COL5A2: variants seen among roughly 807,000 people sequenced by gnomAD.
COL5A2 encodes the protein collagen alpha-2(V) chain.
COL5A2 carries 23 observed loss-of-function variants against 208.2 expected under a neutral mutation model. That is an observed-to-expected ratio of 0.11 (90% CI 0.08 to 0.16). COL5A2 has a LOEUF of 0.16. Among genes scored for constraint, COL5A2 ranks in the 10% least tolerant of loss-of-function variants. The probability of loss-of-function intolerance (pLI) is 1.00; values close to 1 mark genes in which losing one functional copy is unlikely to be tolerated. For synonymous variants in COL5A2, 625 were observed against 628.5 expected (o/e 0.99, Z 0.08); for missense variants, 1,590 against 1,956.4 (o/e 0.81, Z 3.53).
At chr2:189,424,001 C>A in the COL5A2 span, among the ~76,000 whole-genome samples, 1 of 152,034 alleles carries the variant, frequency 6.6e-6, no homozygotes, top group South Asian at 2.1e-4. Flanking sequence ...GATCCTTCAC[C>A]ATGATCAAGT....
chr2:189,363,832 G>C, the COL5A2 span, among the ~76,000 whole-genome samples: 1 of 152,118 alleles, frequency 6.6e-6, no homozygotes, highest in African/African-American at 2.4e-5. Context: ...CTCCCACATA[G>C]ACTGAAGTGA....
intron 31 of COL5A2, among the ~76,000 whole-genome samples, chr2:189,059,544 A>G (rs891597215): frequency 2.9e-5 from 4 of 135,962 alleles, no homozygotes; most frequent in Non-Finnish European, 4.7e-5. Flanking sequence ...TAATCTTATC[A>G]TATTACTCCT....
At chr2:189,243,794 G>A in the COL5A2 span, among the ~76,000 whole-genome samples, 1 of 152,176 alleles carries the variant, frequency 6.6e-6, no homozygotes, top group East Asian at 1.9e-4. Context: ...CTACGAGCCT[G>A]TAAAATCAAA....
At chr2:189,330,661 A>G in the COL5A2 span, among the ~76,000 whole-genome samples, 1 of 152,212 alleles carries the variant, frequency 6.6e-6, no homozygotes, top group African/African-American at 2.4e-5. Context: ...ACCAATGCTC[A>G]GGTCCCAAGC....
chr2:189,340,704 T>A, the COL5A2 span, among the ~76,000 whole-genome samples: 2 of 152,256 alleles, frequency 1.3e-5, no homozygotes, highest in Admixed American at 1.3e-4. Context: ...TCTGGCCCTG[T>A]GTCTCACAAA....
intron 1 of COL5A2, among the ~76,000 whole-genome samples, chr2:189,170,972 G>A (rs1386254600): frequency 6.6e-6 from 1 of 152,162 alleles, no homozygotes; most frequent in Non-Finnish European, 1.5e-5. Flanking sequence ...AGCATTCTCA[G>A]TATGGTATTG....
At chr2:189,328,610 AG>A in the COL5A2 span, among the ~76,000 whole-genome samples, 6 of 152,236 alleles carry the variant, frequency 3.9e-5, no homozygotes, top group Non-Finnish European at 7.3e-5. Flanking sequence ...AGCCTTTAAT[AG>A]AGGCCAGCAC....
rs1688552369 is a variant in COL5A2 at position 189,170,481 on chromosome 2, G to C, written c.97+9027C>G. 3.3e-5 allele frequency among the ~76,000 whole-genome samples: 5 copies of C among 152,188 alleles called. No homozygotes were observed. The South Asian group carries it at 1.0e-3, about 32-fold the overall frequency. ...CAGATAAGAATCTCTTAGTTTCTTA[G>C]AGGATATAAGATTTGAAGCAGAACT... On this transcript the variant is annotated intron_variant, in intron 1 of 53. Transcript: ENST00000374866.
the COL5A2 span, among the ~76,000 whole-genome samples, chr2:189,435,246 C>T: frequency 6.6e-6 from 1 of 152,154 alleles, no homozygotes; most frequent in Non-Finnish European, 1.5e-5. Context: ...TAGGCAATAC[C>T]ATTCACGACA....
chr2:189,417,627 AT>A, the COL5A2 span, among the ~76,000 whole-genome samples: 4 of 152,032 alleles, frequency 2.6e-5, no homozygotes, highest in African/African-American at 9.7e-5. Context: ...AGAATATAAA[AT>A]GTTCTATTCA....
intron 1 of COL5A2, among the ~76,000 whole-genome samples, chr2:189,216,536 A>G (rs1044439438): frequency 6.6e-6 from 1 of 152,118 alleles, no homozygotes; most frequent in Admixed American, 6.6e-5. Context: ...TGATATTACA[A>G]TCAAGGTTAT....
the COL5A2 span, among the ~76,000 whole-genome samples, chr2:189,265,581 C>T: frequency 6.6e-6 from 1 of 152,146 alleles, no homozygotes; most frequent in African/African-American, 2.4e-5. Context: ...ACCTTGTTTC[C>T]AAATGTGGTT....
intron 45 of COL5A2, among the ~76,000 whole-genome samples, chr2:189,046,655 A>G (rs956091991): frequency 3.9e-5 from 6 of 152,232 alleles, no homozygotes; most frequent in Non-Finnish European, 5.9e-5. Context: ...ATGTCTAAAC[A>G]TAAATATTTG....
At chr2:189,176,959 A>G (rs554069613) in intron 1 of COL5A2, among the ~76,000 whole-genome samples, 16 of 152,226 alleles carry the variant, frequency 1.1e-4, no homozygotes, top group South Asian at 2.1e-4. Context: ...ATTTTGGCTT[A>G]AAATGCCTAA....
chr2:189,330,635 T>C, the COL5A2 span, among the ~76,000 whole-genome samples: 1 of 152,158 alleles, frequency 6.6e-6, no homozygotes, highest in South Asian at 2.1e-4. Flanking sequence ...AAAAACATAG[T>C]GATGTCCAGA....
intron 1 of COL5A2, among the ~76,000 whole-genome samples, chr2:189,153,243 A>G (rs1413150720): frequency 1.3e-5 from 2 of 152,204 alleles, no homozygotes; most frequent in East Asian, 3.9e-4. Flanking sequence ...ACTTCTGGAA[A>G]TTGGTTGGAA....
At chr2:189,327,876 C>T in the COL5A2 span, among the ~76,000 whole-genome samples, 1 of 152,166 alleles carries the variant, frequency 6.6e-6, no homozygotes, top group Non-Finnish European at 1.5e-5. Context: ...ATTTAGGGCT[C>T]TGAATTATCA....
At chr2:189,433,530 A>C in the COL5A2 span, among the ~76,000 whole-genome samples, 1 of 152,236 alleles carries the variant, frequency 6.6e-6, no homozygotes, top group African/African-American at 2.4e-5. Context: ...AATACAAAGT[A>C]CCATCAGAGA....
At chr2:189,152,420 T>C (rs1688162853) in intron 1 of COL5A2, among the ~76,000 whole-genome samples, 1 of 152,158 alleles carries the variant, frequency 6.6e-6, no homozygotes, top group Non-Finnish European at 1.5e-5. Context: ...ACAGATAATA[T>C]GGTAAGTTGA....
Sources: gnomAD v4.1 joint callset for allele counts (sites outside exome capture counted in the v4.1 genomes callset) on GRCh38, gnomAD v4.1.1 for gene constraint, MANE v1.5 for transcripts, NCBI Gene and HGNC (gene_info 2026-07-23, HGNC 2026-07-21) for gene names.